The following MYCBP2 variants were observed in gnomAD, a reference collection of about 807,000 sequenced individuals.
The protein encoded by MYCBP2 is E3 ubiquitin-protein ligase MYCBP2.
MYCBP2 carries 120 observed loss-of-function variants against 525.3 expected under a neutral mutation model. The observed-to-expected ratio is 0.23, with a 90% CI of 0.20 to 0.27. MYCBP2 has a LOEUF of 0.27. MYCBP2 is among the 10% of genes least tolerant of loss of function. The pLI, the probability that MYCBP2 is intolerant of heterozygous loss-of-function variation, is 1.00. For synonymous variants in MYCBP2, 1,894 were observed against 1,955.8 expected (o/e 0.97, Z 0.83); for missense variants, 4,149 against 5,657.1 (o/e 0.73, Z 8.55).
chr13:77,066,615 A>G (rs1342479803), intron 71 of MYCBP2, among the ~76,000 whole-genome samples: 1 of 152,182 alleles, frequency 6.6e-6, no homozygotes, highest in Non-Finnish European at 1.5e-5. Context: ...CCTTGGTGCA[A>G]ATGCATGAAA....
chr13:77,277,381 A>G (rs1336050962), intron 4 of MYCBP2, among the ~76,000 whole-genome samples: 1 of 152,198 alleles, frequency 6.6e-6, no homozygotes, highest in African/African-American at 2.4e-5. Flanking sequence ...GACAGCTTCT[A>G]TTTGGTAATA....
At chr13:77,288,766 T>C (rs956046260) in intron 2 of MYCBP2, among the ~76,000 whole-genome samples, 1 of 152,184 alleles carries the variant, frequency 6.6e-6, no homozygotes, top group Non-Finnish European at 1.5e-5. Flanking sequence ...AAACATTAGA[T>C]TGCATTTTGA....
At chr13:77,258,120 C>T (rs183914027) in intron 13 of MYCBP2, among the ~76,000 whole-genome samples, 3 of 152,302 alleles carry the variant, frequency 2.0e-5, no homozygotes, top group Non-Finnish European at 2.9e-5. Flanking sequence ...TACCTCTCCA[C>T]AGTACTTTCA....
rs2080084810 is a variant in MYCBP2 at position 77,310,734 on chromosome 13, A to T, written c.303-14060T>A. The stretch of plus-strand genomic sequence containing the variant: ...CACACAGATCTAACAAACTGAAAGG[A>T]TACCAAGCAGGATACACACACACAG... On this transcript the variant is annotated intron_variant, in intron 1 of 82. Coordinates refer to ENST00000544440, the MANE Select transcript of MYCBP2 (RefSeq NM_015057.5). Among the ~76,000 whole-genome samples the T allele has an allele frequency of 2.0e-5, 3 of 152,078 alleles. 1 individual carries two copies. In the South Asian group the frequency reaches 6.2e-4, roughly 32 times the overall value.
At position 77,239,010 on chromosome 13, in the gene MYCBP2, C is replaced by T. The variant is rs140779604; in HGVS notation, c.2629+4049G>A. Among the ~76,000 whole-genome samples the T allele has an allele frequency of 2.5e-3, 377 of 152,228 alleles. 12 individuals carry two copies. The East Asian group carries it at 0.058, about 23-fold the overall frequency. On this transcript the variant is annotated intron_variant, in intron 17 of 82. Transcript: ENST00000544440. Reference sequence around the variant, plus strand: ...TGGTGCATGCCTATAATCCCAGCTACTCGGGAGGCCGAGGCAGGAGAATCG... The same window carrying T: ...TGGTGCATGCCTATAATCCCAGCTATTCGGGAGGCCGAGGCAGGAGAATCG...
At chr13:77,116,210 GTAAA>G (rs1410289836) in intron 55 of MYCBP2, among the ~76,000 whole-genome samples, 1 of 151,912 alleles carries the variant, frequency 6.6e-6, no homozygotes, top group Non-Finnish European at 1.5e-5. Context: ...ACAAAGTTGA[GTAAA>G]TATGGTCTTC....
chr13:77,177,722 A>G, intron 35 of MYCBP2, 26 bp downstream of exon 35: 1 of 1,574,256 alleles, frequency 6.4e-7, no homozygotes, highest in Non-Finnish European at 8.7e-7. Flanking sequence ...ACTAATCAGG[A>G]TAAATACTAA....
At chr13:77,171,214 G>C (rs2059114700) in intron 38 of MYCBP2, among the ~76,000 whole-genome samples, 1 of 152,106 alleles carries the variant, frequency 6.6e-6, no homozygotes, top group South Asian at 2.1e-4. Context: ...ATTACTAAAA[G>C]AAGAATAAAG....
intron 62 of MYCBP2, among the ~76,000 whole-genome samples, chr13:77,085,792 A>G (rs1331245504): frequency 6.6e-6 from 1 of 152,162 alleles, no homozygotes; most frequent in Admixed American, 6.5e-5. Flanking sequence ...CTATGTAACC[A>G]AAACAGGAAA....
chr13:77,140,004 T>C (rs752577066), intron 51 of MYCBP2, 43 bp downstream of exon 51: 2 of 1,402,958 alleles, frequency 1.4e-6, no homozygotes, highest in Admixed American at 4.1e-5. Context: ...ATGCAAAAAC[T>C]TTCTGTCCAA....
intron 17 of MYCBP2, among the ~76,000 whole-genome samples, chr13:77,236,844 G>A (rs931712346): frequency 1.3e-5 from 2 of 151,826 alleles, no homozygotes; most frequent in African/African-American, 2.4e-5. Flanking sequence ...GCCAGCCTGG[G>A]CAACATAGCA....
chr13:77,199,586 G>A (rs1309268074), intron 26 of MYCBP2, among the ~76,000 whole-genome samples: 1 of 152,342 alleles, frequency 6.6e-6, no homozygotes, highest in East Asian at 1.9e-4. Flanking sequence ...ACCTCTGGGG[G>A]CAGGGCACAG....
At chr13:77,274,649 A>G (rs1181522724) in intron 4 of MYCBP2, among the ~76,000 whole-genome samples, 1 of 152,120 alleles carries the variant, frequency 6.6e-6, no homozygotes, top group Non-Finnish European at 1.5e-5. Flanking sequence ...AGTCCTGTTT[A>G]TTTTACTTCC....
chr13:77,074,694 G>A lies in MYCBP2; in HGVS notation c.11823+2057C>T, dbSNP rs182546728. ...TCAGCAACCAAAAGAATGAACCATGGCTACATGCTACAACATGGATAAATC... is the reference window on the plus strand; with the variant it reads ...TCAGCAACCAAAAGAATGAACCATGACTACATGCTACAACATGGATAAATC... On this transcript the variant is annotated intron_variant, in intron 68 of 82. Coordinates refer to ENST00000544440, the MANE Select transcript of MYCBP2 (RefSeq NM_015057.5). Among the ~76,000 whole-genome samples the A allele has an allele frequency of 3.9e-5, 6 of 152,254 alleles. No individual in the cohort carries two copies. The East Asian group carries it at 9.6e-4, about 24-fold the overall frequency.
intron 1 of MYCBP2, among the ~76,000 whole-genome samples, chr13:77,324,938 T>A (rs2082113137): frequency 6.6e-6 from 1 of 152,242 alleles, no homozygotes; most frequent in Non-Finnish European, 1.5e-5. Flanking sequence ...TATACCTAAT[T>A]ATCAGGGCAA....
At chr13:77,275,565 T>C (rs147619895) in intron 4 of MYCBP2, among the ~76,000 whole-genome samples, 4 of 152,320 alleles carry the variant, frequency 2.6e-5, no homozygotes, top group Non-Finnish European at 5.9e-5. Context: ...AGTGTGTACC[T>C]ATAGTCACAG....
At chr13:77,297,512 A>G (rs1407172315) in intron 1 of MYCBP2, among the ~76,000 whole-genome samples, 1 of 152,184 alleles carries the variant, frequency 6.6e-6, no homozygotes. Flanking sequence ...GTTGTTCCAG[A>G]TGCTGAAGGG....
At chr13:77,309,930 G>A (rs2079960595) in intron 1 of MYCBP2, among the ~76,000 whole-genome samples, 1 of 152,120 alleles carries the variant, frequency 6.6e-6, no homozygotes, top group African/African-American at 2.4e-5. Flanking sequence ...TGGCCAAGAT[G>A]GTGAAATCCC....
In MYCBP2 at chr13:77,112,344, A is replaced by T. The variant is rs527940008; in HGVS notation, c.8140+9029T>A. ...ATAATGTTTTATTTATATAATATAT[A>T]TTTTATATATAATATTTTATTTATA... On this transcript the variant is annotated intron_variant, in intron 55 of 82. Coordinates refer to ENST00000544440, the MANE Select transcript of MYCBP2 (RefSeq NM_015057.5). Among the ~76,000 whole-genome samples the T allele has an allele frequency of 1.6e-3, 227 of 146,392 alleles. 2 individuals are homozygous for T. The highest frequency in any genetic ancestry group is 5.4e-3 in the African/African-American group (218 of 40,494).
Sources: allele counts gnomAD v4.1 joint callset (sites outside exome capture counted in the v4.1 genomes callset), GRCh38; gene constraint gnomAD v4.1.1; transcripts MANE v1.5; gene names NCBI Gene and HGNC (gene_info 2026-07-23, HGNC 2026-07-21).